The following SLIT2 variants were observed in gnomAD, a reference collection of about 807,000 sequenced individuals.
SLIT2 encodes the protein slit homolog 2 protein.
Under a neutral mutation model 185.7 loss-of-function variants are expected in SLIT2, and 41 were observed. The ratio of observed to expected loss-of-function variants is 0.22; its 90% CI spans 0.17 to 0.29. The LOEUF is 0.29. SLIT2 is among the 10% of genes least tolerant of loss of function. The pLI is 1.00. For synonymous variants in SLIT2, 693 were observed against 680.2 expected (o/e 1.02, Z -0.29); for missense variants, 1,571 against 1,909.0 (o/e 0.82, Z 3.30).
chr4:20,257,961 GT>G (rs755964223), intron 3 of SLIT2, 22 bp downstream of exon 3: 35 of 1,154,174 alleles, frequency 3.0e-5, no homozygotes, highest in Non-Finnish European at 4.0e-5. Context: ...CAATTCCAAA[GT>G]TATGACAACA....
intron 4 of SLIT2, among the ~76,000 whole-genome samples, chr4:20,307,322 G>A (rs2109123924): frequency 6.9e-6 from 1 of 144,632 alleles, no homozygotes; most frequent in East Asian, 2.0e-4. Flanking sequence ...GAGTGCAGTG[G>A]CGCCATCATA....
chr4:20,608,025 A>C (rs1005920397), intron 33 of SLIT2, among the ~76,000 whole-genome samples: 1 of 152,140 alleles, frequency 6.6e-6, no homozygotes, highest in Non-Finnish European at 1.5e-5. Context: ...CAATATTTAA[A>C]ATAAAGCTAA....
In SLIT2 at chr4:20,455,917, T is replaced by C. The variant is rs777242760; in HGVS notation, c.396-11835T>C. ...GAAGTCTTTATTTCTAGGCATTTTT[T>C]CAACTGAAGTTGAACACATTTTTTA... On this transcript the variant is annotated intron_variant, in intron 4 of 36. Transcript: ENST00000504154. Among the ~76,000 whole-genome samples, 164 of 152,304 alleles carry C rather than the reference T, an allele frequency of 1.1e-3. 3 individuals carry two copies. Among genetic ancestry groups the C allele is most frequent in the Non-Finnish European group, 2.9e-4 (20 of 68,008 alleles).
At chr4:20,618,463 A>G (rs1246679856) in intron 36 of SLIT2, among the ~76,000 whole-genome samples, 1 of 152,246 alleles carries the variant, frequency 6.6e-6, no homozygotes, top group Non-Finnish European at 1.5e-5. Flanking sequence ...TTAGTAGTGT[A>G]AAAACAGAAG....
intron 4 of SLIT2, among the ~76,000 whole-genome samples, chr4:20,440,182 T>C (rs1472335224): frequency 6.6e-6 from 1 of 152,170 alleles, no homozygotes; most frequent in Non-Finnish European, 1.5e-5. Context: ...CTTGATATAC[T>C]TGAAGAAACA....
intron 21 of SLIT2, among the ~76,000 whole-genome samples, chr4:20,545,757 C>T (rs192010097): frequency 3.3e-5 from 5 of 152,042 alleles, no homozygotes; most frequent in South Asian, 2.1e-4. Flanking sequence ...ACTAAAAGTA[C>T]GGTTAATTGA....
intron 4 of SLIT2, among the ~76,000 whole-genome samples, chr4:20,358,607 T>A (rs1250141478): frequency 6.6e-6 from 1 of 152,146 alleles, no homozygotes; most frequent in Non-Finnish European, 1.5e-5. Flanking sequence ...TTTATCTCAC[T>A]TAATCCGAGG....
intron 26 of SLIT2, among the ~76,000 whole-genome samples, chr4:20,558,649 A>C (rs1266501271): frequency 1.3e-5 from 2 of 151,982 alleles, no homozygotes; most frequent in African/African-American, 4.8e-5. Context: ...ACCTACGTAC[A>C]TCTTTGTGTA....
At chr4:20,453,372 A>T (rs1460356558) in intron 4 of SLIT2, among the ~76,000 whole-genome samples, 1 of 152,144 alleles carries the variant, frequency 6.6e-6, no homozygotes, top group Non-Finnish European at 1.5e-5. Context: ...ACTTTGATAG[A>T]TATAATTGGT....
intron 29 of SLIT2, among the ~76,000 whole-genome samples, chr4:20,572,498 AAAGAC>A (rs1356344372): frequency 1.3e-5 from 2 of 152,184 alleles, no homozygotes; most frequent in Non-Finnish European, 2.9e-5. Flanking sequence ...TCTTCTTTCT[AAAGAC>A]AAGACATTTC....
intron 4 of SLIT2, among the ~76,000 whole-genome samples, chr4:20,421,084 A>T (rs1362426588): frequency 6.6e-6 from 1 of 152,188 alleles, no homozygotes; most frequent in Non-Finnish European, 1.5e-5. Context: ...GGTAGAATGG[A>T]GGGAATTAAA....
At chr4:20,548,918 A>G in intron 23 of SLIT2, 139 bp from the exon 24 acceptor site, 1 of 612,390 alleles carries the variant, frequency 1.6e-6, no homozygotes, top group Admixed American at 2.9e-5. Flanking sequence ...GAGACAACAC[A>G]CAAAAAATAA....
In SLIT2 at chr4:20,602,190, C is replaced by G. The variant is rs572572228; in HGVS notation, c.3692+3795C>G. Among the ~76,000 whole-genome samples the G allele has an allele frequency of 2.0e-5, 3 of 152,196 alleles. No homozygotes were observed. The South Asian group carries it at 6.2e-4, about 32-fold the overall frequency. ...GGTAATTTGCTGCCCTTCAAAAAGACTTTCTTTTAATCTAGATAAGGGGAA... is the reference window on the plus strand; with the variant it reads ...GGTAATTTGCTGCCCTTCAAAAAGAGTTTCTTTTAATCTAGATAAGGGGAA... On this transcript the variant is annotated intron_variant, in intron 33 of 36. Coordinates refer to ENST00000504154, the MANE Select transcript of SLIT2 (RefSeq NM_004787.4).
chr4:20,610,193 G>A (rs1310977343), intron 34 of SLIT2, 26 bp downstream of exon 34: 2 of 1,597,972 alleles, frequency 1.3e-6, no homozygotes, highest in Non-Finnish European at 1.7e-6. Flanking sequence ...AATTCAGGTG[G>A]TCCTGAAACC....
intron 4 of SLIT2, among the ~76,000 whole-genome samples, chr4:20,360,461 C>T (rs1427922667): frequency 6.6e-6 from 1 of 152,090 alleles, no homozygotes. Context: ...ATATAAGCCT[C>T]TCTTTTAACA....
rs192717489 is a variant in SLIT2, at chr4:20,299,732, G to A, written c.395+30851G>A. The stretch of plus-strand genomic sequence containing the variant: ...GACTTTTTAAGGCCCGACAGGGGGA[G>A]CCAATTCCATATTCTATTGAGATTT... On this transcript the variant is annotated intron_variant, in intron 4 of 36. Coordinates refer to ENST00000504154, the MANE Select transcript of SLIT2 (RefSeq NM_004787.4). Among the ~76,000 whole-genome samples, 533 of 151,666 alleles carry A rather than the reference G, an allele frequency of 3.5e-3. 2 individuals are homozygous for A. The highest frequency in any genetic ancestry group is 0.012 in the African/African-American group (503 of 41,378).
At chr4:20,373,611 A>G (rs1723770161) in intron 4 of SLIT2, among the ~76,000 whole-genome samples, 1 of 152,076 alleles carries the variant, frequency 6.6e-6, no homozygotes, top group Non-Finnish European at 1.5e-5. Flanking sequence ...TTTCTACAAA[A>G]TTTCTTAGAG....
intron 5 of SLIT2, among the ~76,000 whole-genome samples, chr4:20,469,811 A>C (rs1206006313): frequency 7.6e-6 from 1 of 131,440 alleles, no homozygotes; most frequent in African/African-American, 2.9e-5. Context: ...GCTGGAGTGC[A>C]GTGGTACAAT....
intron 22 of SLIT2, 112 bp from the exon 23 acceptor site, chr4:20,548,376 C>G: frequency 3.2e-6 from 2 of 619,256 alleles, no homozygotes; most frequent in South Asian, 4.0e-5. Context: ...CAGATAACAG[C>G]TGAATGCTAA....
Sources: gnomAD v4.1 joint callset for allele counts (sites outside exome capture counted in the v4.1 genomes callset) on GRCh38, gnomAD v4.1.1 for gene constraint, MANE v1.5 for transcripts, NCBI Gene and HGNC (gene_info 2026-07-23, HGNC 2026-07-21) for gene names.